Variants in NAV1 observed in about 807,000 individuals in gnomAD.
The protein encoded by NAV1 is pore membrane and/or filament interacting like protein 3.
Under a neutral mutation model 175.2 loss-of-function variants are expected in NAV1, and 18 were observed. That is an observed-to-expected ratio of 0.10 (90% CI 0.07 to 0.15). NAV1 has a LOEUF of 0.15. NAV1 is among the 10% of genes least tolerant of loss of function. The pLI is 1.00. For missense variants in NAV1, 1,731 were observed against 2,436.6 expected, an observed-to-expected ratio of 0.71 and a Z score of 6.10; for synonymous variants, 897 against 978.7, an observed-to-expected ratio of 0.92 and a Z score of 1.56.
At chr1:201,623,452 G>A in exon 1 of NAV1, 1 of 985,992 alleles carries the variant, frequency 1.0e-6, no homozygotes. Context: ...CAGGTCTTTG[G>A]AGCCTGATGA....
chr1:201,664,051 G>A lies in NAV1; in HGVS notation c.757+14626G>A, dbSNP rs76152558. On this transcript the variant is annotated intron_variant, in intron 1 of 29. Coordinates refer to ENST00000367296, the Ensembl canonical transcript of NAV1. ...CTAAGTCATCGTCATTACTCTATTG[G>A]GTTCTGGGAGGGAAGATCCGGAGTA... 0.015 allele frequency among the ~76,000 whole-genome samples: 2,338 copies of A among 152,266 alleles called. 171 individuals are homozygous for A. The East Asian group carries it at 0.21, about 14-fold the overall frequency.
At chr1:201,610,915 G>A (rs1411553372) in intron 2 of NAV1, among the ~76,000 whole-genome samples, 1 of 152,150 alleles carries the variant, frequency 6.6e-6, no homozygotes, top group African/African-American at 2.4e-5. Flanking sequence ...CTAAGGATAA[G>A]GACACTTCTG....
In NAV1 at chr1:201,808,259, C is replaced by G. The variant is rs1678435044; in HGVS notation, c.3845+110C>G. The G allele has an allele frequency of 5.7e-6, 8 of 1,411,932 alleles. No homozygotes were observed. The highest frequency in any genetic ancestry group is 1.3e-5 in the South Asian group (1 of 75,666). The allele number at this position is 1,411,932 out of a possible 1,614,324, so 87.5% of individuals were successfully genotyped here. ...GACAAGCAGTACTTATTACTGACCT[C>G]TCCCTGGGCATATGAGACCAACAGA... is the stretch of plus-strand genomic sequence containing the variant. On this transcript the variant is annotated intron_variant, in intron 18 of 29. Transcript: ENST00000367296. The surrounding 1 kb of genome is among the most constrained non-coding windows in gnomAD (Gnocchi z 5.5).
At chr1:201,802,265 A>G (rs1409574940) in intron 15 of NAV1, among the ~76,000 whole-genome samples, 1 of 129,354 alleles carries the variant, frequency 7.7e-6, no homozygotes, top group Non-Finnish European at 1.6e-5. Flanking sequence ...AGATCGCACC[A>G]CCGCACTCTA....
At position 201,794,453 on chromosome 1, in the gene NAV1, A is replaced by T; in HGVS notation, c.3406-13A>T. The T allele has an allele frequency of 6.2e-7, 1 of 1,609,062 alleles. No individual in the cohort carries two copies. The highest frequency in any genetic ancestry group is 2.2e-5 in the East Asian group (1 of 44,826). ...ACCGTGCCCAGCCAACGCTATTTTC[A>T]TTTCTCTCTTAGGACACTGAGCTGC... On this transcript the variant is annotated splice_polypyrimidine_tract_variant and intron_variant, in intron 14 of 29. Coordinates refer to ENST00000367296, the Ensembl canonical transcript of NAV1.
intron 1 of NAV1, among the ~76,000 whole-genome samples, chr1:201,654,677 TTCTC>T (rs1669332722): frequency 1.3e-5 from 2 of 151,996 alleles, no homozygotes; most frequent in African/African-American, 4.8e-5. Flanking sequence ...CCAAGTCCCT[TTCTC>T]TCTGCAGAGC....
intron 3 of NAV1, among the ~76,000 whole-genome samples, chr1:201,761,322 G>T (rs990523011): frequency 1.3e-5 from 2 of 152,188 alleles, no homozygotes; most frequent in Non-Finnish European, 2.9e-5. Context: ...CAATTCATTT[G>T]GTTTGTGGTG....
chr1:201,715,026 A>G (rs867685797), intron 2 of NAV1, among the ~76,000 whole-genome samples: 39 of 152,280 alleles, frequency 2.6e-4, no homozygotes, highest in Middle Eastern at 3.4e-3. Context: ...CTCCCTTTAT[A>G]GGAAAGGAAC....
intron 2 of NAV1, among the ~76,000 whole-genome samples, chr1:201,643,186 TCTTC>T (rs138711631): frequency 0.034 from 4,904 of 144,852 alleles, 290 homozygotes; most frequent in African/African-American, 0.12. Context: ...TCCTTCTCTT[TCTTC>T]CTTCCTTCCT....
chr1:201,688,184 A>T (rs1670756502), intron 1 of NAV1: 1 of 152,250 alleles, frequency 6.6e-6, no homozygotes, highest in Non-Finnish European at 1.5e-5. Flanking sequence ...TGATGAGAGC[A>T]GGTCCTTCCT....
chr1:201,656,485 G>A (rs1230936701), intron 1 of NAV1, among the ~76,000 whole-genome samples: 1 of 152,206 alleles, frequency 6.6e-6, no homozygotes, highest in Admixed American at 6.5e-5. Context: ...TGTTTCCATG[G>A]AGAGCTGGGC....
At chr1:201,592,514 C>T (rs1216105417) in intron 2 of NAV1, among the ~76,000 whole-genome samples, 1 of 152,204 alleles carries the variant, frequency 6.6e-6, no homozygotes, top group African/African-American at 2.4e-5. Context: ...TTCCCGACTT[C>T]CAGGCTGGTG....
chr1:201,558,726 A>G (rs1666108946), intron 1 of NAV1, among the ~76,000 whole-genome samples: 1 of 152,160 alleles, frequency 6.6e-6, no homozygotes, highest in Non-Finnish European at 1.5e-5. Context: ...CTGGGATTAC[A>G]GGCGTGAGCC....
chr1:201,756,267 A>G (rs1674459239), intron 3 of NAV1, among the ~76,000 whole-genome samples: 1 of 152,196 alleles, frequency 6.6e-6, no homozygotes, highest in African/African-American at 2.4e-5. Context: ...TGCAGAGCCT[A>G]TATAAAAATA....
At chr1:201,710,486 C>T (rs571180447) in intron 1 of NAV1, among the ~76,000 whole-genome samples, 3 of 152,244 alleles carry the variant, frequency 2.0e-5, no homozygotes, top group East Asian at 1.9e-4. Context: ...CAGGATCTCC[C>T]TGTGTTGCCC....
chr1:201,596,003 A>G (rs1667337534), intron 2 of NAV1, among the ~76,000 whole-genome samples: 1 of 152,224 alleles, frequency 6.6e-6, no homozygotes, highest in Non-Finnish European at 1.5e-5. Context: ...TCAGCTCTGG[A>G]GCCAGCAGCC....
At chr1:201,613,587 G>A (rs1044208715) in intron 2 of NAV1, among the ~76,000 whole-genome samples, 2 of 152,210 alleles carry the variant, frequency 1.3e-5, no homozygotes, top group African/African-American at 4.8e-5. Context: ...TCTTGGCTAG[G>A]TGTGGTGGCT....
exon 30 of NAV1, chr1:201,826,429 C>T (rs1679676482): frequency 1.3e-5 from 2 of 152,352 alleles, no homozygotes; most frequent in African/African-American, 2.4e-5. Flanking sequence ...TCTAACAAAA[C>T]AATCTTTTTT....
At chr1:201,648,323 G>A (rs1269099335) in exon 1 of NAV1, 15 of 1,164,814 alleles carry the variant, frequency 1.3e-5, no homozygotes, top group African/African-American at 1.6e-5. Flanking sequence ...GGCGCCGGAG[G>A]AGCCGCGGGG....
Sources: allele counts gnomAD v4.1 joint callset (sites outside exome capture counted in the v4.1 genomes callset), GRCh38; gene constraint gnomAD v4.1.1; non-coding constraint Gnocchi (gnomAD v3.1); transcripts MANE v1.5; gene names NCBI Gene and HGNC (gene_info 2026-07-23, HGNC 2026-07-21).